The following CEP97 variants were observed in gnomAD, a reference collection of about 807,000 sequenced individuals.
The protein encoded by CEP97 is centrosomal protein of 97 kDa.
In CEP97, 43 loss-of-function variants were observed where a neutral mutation model predicts 73.1. The observed-to-expected ratio is 0.59, with a 90% CI of 0.46 to 0.76. The LOEUF is 0.76. Ranked by LOEUF, CEP97 falls within the 30% of genes least tolerant of loss-of-function variation. CEP97 has a pLI of 0.00. For synonymous variants in CEP97, 337 were observed against 370.0 expected, an observed-to-expected ratio of 0.91 and a Z score of 1.02; for missense variants, 939 against 1,014.0, an observed-to-expected ratio of 0.93 and a Z score of 1.00.
At chr3:101,756,995 C>T in intron 7 of CEP97, 68 bp from the exon 8 acceptor site, 1 of 1,417,174 alleles carries the variant, frequency 7.1e-7, no homozygotes, top group Non-Finnish European at 9.5e-7. Context: ...GACATTGTTA[C>T]CTAGGAAGCA....
intron 6 of CEP97, among the ~76,000 whole-genome samples, chr3:101,753,156 C>G (rs1481335670): frequency 1.3e-5 from 2 of 152,164 alleles, no homozygotes; most frequent in Non-Finnish European, 2.9e-5. Flanking sequence ...TGCTAGAGGT[C>G]CACTCCAGAC....
chr3:101,753,394 C>A (rs546495430), intron 6 of CEP97, among the ~76,000 whole-genome samples: 1 of 152,208 alleles, frequency 6.6e-6, no homozygotes, highest in Non-Finnish European at 1.5e-5. Flanking sequence ...GTTCTCAGAT[C>A]TCCAGCTGGG....
At chr3:101,748,251 C>A (rs558189799) in intron 6 of CEP97, among the ~76,000 whole-genome samples, 1 of 136,216 alleles carries the variant, frequency 7.3e-6, no homozygotes, top group Non-Finnish European at 1.5e-5. Flanking sequence ...TTTTTTTTTA[C>A]GTAGGATTTA....
At chr3:101,729,636 G>C (rs1278495857) in intron 4 of CEP97, among the ~76,000 whole-genome samples, 2 of 151,878 alleles carry the variant, frequency 1.3e-5, no homozygotes, top group Non-Finnish European at 2.9e-5. Flanking sequence ...CTAGAGTGTA[G>C]TAGTACAATC....
At chr3:101,735,648 G>C (rs1324433246) in intron 6 of CEP97, among the ~76,000 whole-genome samples, 1 of 152,160 alleles carries the variant, frequency 6.6e-6, no homozygotes, top group Non-Finnish European at 1.5e-5. Context: ...GTGCTGGGAG[G>C]AACAGTGTAC....
chr3:101,729,337 CA>C (rs67654517), intron 4 of CEP97, among the ~76,000 whole-genome samples: 46,065 of 129,962 alleles, frequency 0.35, 7,047 homozygotes, highest in Non-Finnish European at 0.39. Context: ...GACTCAGTCT[CA>C]AAAAAAAAAA....
At position 101,765,607 on chromosome 3, in the gene CEP97, G is replaced by T; in HGVS notation, c.*56G>T. On this transcript the variant is annotated 3_prime_UTR_variant, in exon 11 of 11. Coordinates refer to ENST00000341893, the MANE Select transcript of CEP97 (RefSeq NM_024548.4). ...ACTTTTCTTAAAAATACTTTCAGTT[G>T]CCTTTGCTTTTTTTTGGAGGGAAAT... The T allele has an allele frequency of 9.6e-6, 14 of 1,457,634 alleles. No individual in the cohort carries two copies. Among genetic ancestry groups the T allele is most frequent in the Non-Finnish European group, 1.3e-5 (14 of 1,078,184 alleles). The allele number at this position is 1,457,634 out of a possible 1,614,324, so 90.3% of individuals were successfully genotyped here.
intron 6 of CEP97, among the ~76,000 whole-genome samples, chr3:101,753,044 G>C (rs772436033): frequency 2.6e-5 from 4 of 152,096 alleles, no homozygotes; most frequent in African/African-American, 9.7e-5. Context: ...TTTGGTCTTC[G>C]ATGATGGTGA....
chr3:101,732,261 G>T (rs1399414830), intron 5 of CEP97, among the ~76,000 whole-genome samples: 3 of 152,132 alleles, frequency 2.0e-5, no homozygotes, highest in Non-Finnish European at 4.4e-5. Flanking sequence ...TTCAAAATAG[G>T]GTTATTTCTG....
chr3:101,762,384 AT>A, intron 9 of CEP97, 100 bp from the exon 10 acceptor site: 1 of 543,974 alleles, frequency 1.8e-6, no homozygotes, highest in Non-Finnish European at 3.2e-6. Flanking sequence ...CAACTATTAG[AT>A]TATTAATCTC....
intron 6 of CEP97, among the ~76,000 whole-genome samples, chr3:101,746,770 AC>A (rs1397959614): frequency 1.3e-5 from 2 of 152,156 alleles, no homozygotes; most frequent in Non-Finnish European, 2.9e-5. Flanking sequence ...AATTTTTGCA[AC>A]CTACTCACCT....
At chr3:101,752,099 A>C (rs1304087732) in intron 6 of CEP97, among the ~76,000 whole-genome samples, 1 of 152,070 alleles carries the variant, frequency 6.6e-6, no homozygotes. Flanking sequence ...TGGTGACAAA[A>C]TCTCTCAGCA....
rs1351303035 is a variant in CEP97 at position 101,757,120 on chromosome 3, T to G, written c.951T>G (p.Val317=). 6.2e-7 allele frequency: 1 copy of G among 1,613,506 alleles called. No homozygotes were observed. The highest frequency in any genetic ancestry group is 1.3e-5 in the African/African-American group (1 of 74,910). The stretch of plus-strand genomic sequence containing the variant: ...AAAATGAAGAGTTGTCTCCTCTTGT[T>G]CCTGTTGAAACAAGGGCATCCCTTA... ...QSQNEELSPL[V]PVETRASLIP... is the part of the protein sequence containing the mutation. Residue 317 remains valine, a synonymous_variant, in exon 8 of 11, where the codon GTT becomes GTG. Coordinates refer to ENST00000341893, the MANE Select transcript of CEP97 (RefSeq NM_024548.4).
At chr3:101,756,886 C>G (rs932770482) in intron 7 of CEP97, among the ~76,000 whole-genome samples, 177 bp from the exon 8 acceptor site, 20 of 152,150 alleles carry the variant, frequency 1.3e-4, no homozygotes, top group Non-Finnish European at 2.8e-4. Flanking sequence ...ACAAAATAAG[C>G]TTCTTAACTT....
Position 101,731,967 on chromosome 3 carries a change from G to T in CEP97, c.561+14G>T. 6.9e-7 allele frequency: 1 copy of T among 1,445,778 alleles called. No individual in the cohort carries two copies. The allele number at this position is 1,445,778 out of a possible 1,614,324, so 89.6% of individuals were successfully genotyped here. ...GACTTAAATGAGGTAAAATTTGAGG[G>T]TATTTTGTGAGATTCAGGAAGCTGG... On this transcript the variant is annotated intron_variant, in intron 5 of 10. Coordinates refer to ENST00000341893, the MANE Select transcript of CEP97 (RefSeq NM_024548.4).
intron 6 of CEP97, among the ~76,000 whole-genome samples, chr3:101,752,686 C>T (rs1030640248): frequency 1.3e-5 from 2 of 152,144 alleles, no homozygotes; most frequent in Admixed American, 6.5e-5. Context: ...TTGATCGCAT[C>T]GGCTCCTGAG....
chr3:101,758,496 C>T, intron 9 of CEP97, 73 bp downstream of exon 9: 1 of 1,533,504 alleles, frequency 6.5e-7, no homozygotes, highest in Non-Finnish European at 8.9e-7. Flanking sequence ...TGATTCAGAA[C>T]ACTGTGCTTC....
At chr3:101,740,680 C>T (rs533727553) in intron 6 of CEP97, among the ~76,000 whole-genome samples, 12 of 152,064 alleles carry the variant, frequency 7.9e-5, no homozygotes, top group Non-Finnish European at 1.3e-4. Flanking sequence ...ACCTCCACCT[C>T]GTGGGTTCAA....
chr3:101,729,337 CAA>C (rs67654517), intron 4 of CEP97, among the ~76,000 whole-genome samples: 24 of 130,132 alleles, frequency 1.8e-4, no homozygotes, highest in East Asian at 2.3e-4. Flanking sequence ...GACTCAGTCT[CAA>C]AAAAAAAAAA....
Sources: allele counts gnomAD v4.1 joint callset (sites outside exome capture counted in the v4.1 genomes callset), GRCh38; gene constraint gnomAD v4.1.1; transcripts MANE v1.5; gene names NCBI Gene and HGNC (gene_info 2026-07-23, HGNC 2026-07-21).